Variants in CNTLN observed in about 807,000 individuals in gnomAD.
CNTLN encodes centlein.
CNTLN carries 212 observed loss-of-function variants against 180.0 expected under a neutral mutation model. The observed-to-expected ratio is 1.18, with a 90% CI of 1.05 to 1.32. The LOEUF is 1.32. Among genes scored for constraint, CNTLN ranks in the 40% most tolerant of loss-of-function variants. The pLI, the probability that CNTLN is intolerant of heterozygous loss-of-function variation, is 0.00. For synonymous variants in CNTLN, 722 were observed against 563.1 expected, an observed-to-expected ratio of 1.28 and a Z score of -3.99; for missense variants, 2,095 against 1,610.9, an observed-to-expected ratio of 1.30 and a Z score of -5.14.
chr9:17,210,240 T>C (rs1272964537), intron 2 of CNTLN, among the ~76,000 whole-genome samples: 1 of 151,976 alleles, frequency 6.6e-6, no homozygotes, highest in Non-Finnish European at 1.5e-5. Context: ...CAGGCCCCGG[T>C]GTGTAATGTT....
intron 13 of CNTLN, among the ~76,000 whole-genome samples, chr9:17,369,515 T>C (rs1324862271): frequency 6.6e-6 from 1 of 151,586 alleles, no homozygotes; most frequent in Non-Finnish European, 1.5e-5. Flanking sequence ...CTCAAAGAAA[T>C]TCAAGATAAC....
At chr9:17,454,605 C>T (rs1459196295) in intron 18 of CNTLN, among the ~76,000 whole-genome samples, 2 of 152,218 alleles carry the variant, frequency 1.3e-5, no homozygotes, top group African/African-American at 4.8e-5. Flanking sequence ...GCTTCTCAGA[C>T]ACTATGTAGT....
At chr9:17,252,041 A>G (rs1024388289) in intron 5 of CNTLN, among the ~76,000 whole-genome samples, 1 of 151,846 alleles carries the variant, frequency 6.6e-6, no homozygotes, top group Non-Finnish European at 1.5e-5. Context: ...AGTTCCATCC[A>G]TGCTACTTCA....
At chr9:17,201,715 C>T (rs902286754) in intron 2 of CNTLN, among the ~76,000 whole-genome samples, 8 of 151,156 alleles carry the variant, frequency 5.3e-5, no homozygotes, top group African/African-American at 1.9e-4. Context: ...CTATTTTATT[C>T]TTCTCTCTTT....
chr9:17,174,270 A>C (rs1820581212), intron 2 of CNTLN, among the ~76,000 whole-genome samples: 1 of 152,116 alleles, frequency 6.6e-6, no homozygotes, highest in African/African-American at 2.4e-5. Context: ...CCAGTTTTTG[A>C]CTATTATGAA....
At chr9:17,271,405 C>T (rs1827937506) in intron 5 of CNTLN, among the ~76,000 whole-genome samples, 1 of 152,052 alleles carries the variant, frequency 6.6e-6, no homozygotes, top group Non-Finnish European at 1.5e-5. Flanking sequence ...TTTCCTCCTT[C>T]GTTTTCTTTC....
chr9:17,388,247 A>G lies in CNTLN; in HGVS notation c.2073A>G (p.Leu691=), dbSNP rs1353833668. 1 of 1,604,030 alleles carries G rather than the reference A, an allele frequency of 6.2e-7. No individual in the cohort carries two copies. Among genetic ancestry groups the G allele is most frequent in the South Asian group, 1.1e-5 (1 of 90,686 alleles). Residue 691 remains leucine, a synonymous_variant, in exon 14 of 26, where the codon TTA becomes TTG. Transcript: ENST00000380647. ...KNGKEMLEQT[L]QKVTELENRL... The stretch of plus-strand genomic sequence containing the variant: ...GAAAAGAAATGTTGGAGCAGACATT[A>G]CAGAAGGTAGTCTAATCTTTAAGAT...
the CNTLN span, among the ~76,000 whole-genome samples, chr9:17,528,399 A>C: frequency 2.0e-5 from 3 of 152,218 alleles, no homozygotes; most frequent in Admixed American, 6.5e-5. Context: ...TTGATTATGA[A>C]GAGGACATTA....
intron 21 of CNTLN, among the ~76,000 whole-genome samples, chr9:17,465,616 A>G (rs924376799): frequency 6.6e-6 from 1 of 151,012 alleles, no homozygotes; most frequent in Non-Finnish European, 1.5e-5. Flanking sequence ...ATTTTAGAGA[A>G]TACAATGGAA....
In CNTLN at chr9:17,466,050, G is replaced by A. The variant is rs568907262; in HGVS notation, c.3601G>A (p.Val1201Ile). 10 of 1,603,522 alleles carry A rather than the reference G, an allele frequency of 6.2e-6. No individual in the cohort carries two copies. Among genetic ancestry groups the A allele is most frequent in the East Asian group, 4.5e-5 (2 of 44,516 alleles). ...SIDSLKQRLN[V>I]AVKEKSQYEQ... ...TGATTCACTAAAGCAAAGACTTAAC[G>A]TTGCTGTAAAAGAAAAGTCACAGTA... is the stretch of plus-strand genomic sequence containing the variant. The change falls in exon 22 of 26, where the codon GTT (valine) becomes ATT (isoleucine). Residue 1201 changes from valine (V) to isoleucine (I), a missense_variant. Transcript: ENST00000380647.
At chr9:17,266,047 G>C (rs989038571) in intron 5 of CNTLN, among the ~76,000 whole-genome samples, 4 of 151,870 alleles carry the variant, frequency 2.6e-5, no homozygotes, top group African/African-American at 4.8e-5. Flanking sequence ...CTTCAGTTCT[G>C]CTCTGATGTT....
intron 18 of CNTLN, chr9:17,448,634 T>C (rs1830593555): frequency 6.6e-6 from 1 of 152,228 alleles, no homozygotes; most frequent in Non-Finnish European, 1.5e-5. Context: ...TTTACTTAGA[T>C]ACAGATAATG....
intron 18 of CNTLN, among the ~76,000 whole-genome samples, chr9:17,424,094 G>A (rs1322755375): frequency 6.6e-6 from 1 of 152,028 alleles, no homozygotes; most frequent in Non-Finnish European, 1.5e-5. Context: ...TGGCCATTTT[G>A]CTCTGCTTCC....
At chr9:17,260,259 G>T (rs986769016) in intron 5 of CNTLN, among the ~76,000 whole-genome samples, 1 of 150,068 alleles carries the variant, frequency 6.7e-6, no homozygotes, top group Non-Finnish European at 1.5e-5. Flanking sequence ...GGAGCAGGTT[G>T]TTCAGTTTCC....
intron 25 of CNTLN, among the ~76,000 whole-genome samples, chr9:17,501,108 C>T (rs980388450): frequency 6.6e-6 from 1 of 152,166 alleles, no homozygotes; most frequent in Non-Finnish European, 1.5e-5. Flanking sequence ...GGTTTTTCCC[C>T]CTAGAAAAGC....
intron 2 of CNTLN, among the ~76,000 whole-genome samples, chr9:17,212,508 A>G (rs1296382175): frequency 6.6e-6 from 1 of 152,130 alleles, no homozygotes; most frequent in African/African-American, 2.4e-5. Flanking sequence ...ATATTGGTCT[A>G]AAATTCTCCT....
At chr9:17,313,043 T>G (rs1819317861) in intron 8 of CNTLN, among the ~76,000 whole-genome samples, 1 of 152,210 alleles carries the variant, frequency 6.6e-6, no homozygotes, top group Non-Finnish European at 1.5e-5. Flanking sequence ...GTCTTTCTGA[T>G]AAATGGAACC....
At chr9:17,252,996 C>G (rs2132289054) in intron 5 of CNTLN, among the ~76,000 whole-genome samples, 1 of 151,672 alleles carries the variant, frequency 6.6e-6, no homozygotes, top group Middle Eastern at 3.4e-3. Flanking sequence ...TCTAGTTTTT[C>G]TAGCACCATT....
intron 18 of CNTLN, among the ~76,000 whole-genome samples, chr9:17,442,241 A>C (rs889699101): frequency 2.0e-5 from 3 of 152,180 alleles, no homozygotes; most frequent in Admixed American, 6.5e-5. Context: ...TGCACATGAA[A>C]TATTTTCCAG....
Sources: gnomAD v4.1 joint callset for allele counts (sites outside exome capture counted in the v4.1 genomes callset) on GRCh38, gnomAD v4.1.1 for gene constraint, MANE v1.5 for transcripts, NCBI Gene and HGNC (gene_info 2026-07-23, HGNC 2026-07-21) for gene names.